The following CNNM2 variants were observed in gnomAD, a reference collection of about 807,000 sequenced individuals.
The protein encoded by CNNM2 is metal transporter CNNM2.
Under a neutral mutation model 66.9 loss-of-function variants are expected in CNNM2, and 12 were observed. That is an observed-to-expected ratio of 0.18 (90% confidence interval 0.11 to 0.29). The LOEUF (loss-of-function observed/expected upper bound fraction) is 0.29, where lower values mean the gene tolerates loss of function less well. Among genes scored for constraint, CNNM2 ranks in the 10% least tolerant of loss-of-function variants. CNNM2 has a pLI of 1.00. For missense variants in CNNM2, 705 were observed against 1,167.7 expected, an observed-to-expected ratio of 0.60 and a Z score of 5.77; for synonymous variants, 557 against 501.8, an observed-to-expected ratio of 1.11 and a Z score of -1.47.
intron 5 of CNNM2, among the ~76,000 whole-genome samples, chr10:103,069,940 C>G (rs899518804): frequency 1.3e-5 from 2 of 152,248 alleles, no homozygotes; most frequent in African/African-American, 4.8e-5. Context: ...AAGACTGTTT[C>G]TGTGACATTG....
chr10:102,956,538 C>G (rs1957896686), intron 1 of CNNM2, among the ~76,000 whole-genome samples: 1 of 152,114 alleles, frequency 6.6e-6, no homozygotes, highest in Non-Finnish European at 1.5e-5. Flanking sequence ...TATTGTGGCA[C>G]TATTCACAAT....
chr10:102,918,373 T>G lies in CNNM2; in HGVS notation c.-108T>G. On this transcript the variant is annotated 5_prime_UTR_variant, in exon 1 of 8. Coordinates refer to ENST00000369878, the MANE Select transcript of CNNM2 (RefSeq NM_017649.5). This position sits in a 1 kb window ranked among gnomAD's most constrained non-coding sequence, Gnocchi z 4.1. ...GTCAGTGTCAGTCAGGGAGGCGAAC[T>G]GCTGAGCACTGGCCGCGGACGCTCC... 1.3e-6 allele frequency: 2 copies of G among 1,501,956 alleles called. No homozygotes were observed. Among genetic ancestry groups the G allele is most frequent in the Non-Finnish European group, 1.8e-6 (2 of 1,131,302 alleles). 93.0% of individuals were successfully genotyped at this position (1,501,956 alleles called of 1,614,324 possible). A position where few individuals can be genotyped will look rare whatever the true frequency, so the allele number is the denominator to read the frequency against.
At chr10:102,970,923 G>C (rs1043291893) in intron 1 of CNNM2, among the ~76,000 whole-genome samples, 1 of 151,896 alleles carries the variant, frequency 6.6e-6, no homozygotes, top group Non-Finnish European at 1.5e-5. Context: ...TGGTGTGGTG[G>C]CTCATGCCTA....
At position 103,069,245 on chromosome 10, in the gene CNNM2, C is replaced by T. The variant is rs545264433; in HGVS notation, c.2167+523C>T. On this transcript the variant is annotated intron_variant, in intron 5 of 7. Coordinates refer to ENST00000369878, the MANE Select transcript of CNNM2 (RefSeq NM_017649.5). Reference sequence around the variant, plus strand: ...TTGCTGATAGACATTGGGGTAGTCCCGTCTGGGGCTACTGTCAATATGTGG... The same window carrying T: ...TTGCTGATAGACATTGGGGTAGTCCTGTCTGGGGCTACTGTCAATATGTGG... 1.9e-4 allele frequency among the ~76,000 whole-genome samples: 29 copies of T among 152,090 alleles called. 1 individual carries two copies. The South Asian group carries it at 2.3e-3, about 12-fold the overall frequency.
At chr10:103,041,687 G>A (rs984362332) in intron 1 of CNNM2, among the ~76,000 whole-genome samples, 55 of 152,150 alleles carry the variant, frequency 3.6e-4, no homozygotes, top group African/African-American at 1.1e-3. Context: ...ATCACCTTTC[G>A]TGACCTTTCG....
At chr10:103,033,175 T>A (rs776133755) in intron 1 of CNNM2, among the ~76,000 whole-genome samples, 44 of 151,956 alleles carry the variant, frequency 2.9e-4, no homozygotes, top group Admixed American at 8.5e-4. Flanking sequence ...ATACATTTTT[T>A]AAATTTATTT....
At chr10:103,045,234 A>G (rs1242669703) in intron 1 of CNNM2, among the ~76,000 whole-genome samples, 2 of 152,336 alleles carry the variant, frequency 1.3e-5, no homozygotes, top group South Asian at 2.1e-4. Flanking sequence ...CAGTGTTTAT[A>G]TCCATTGCTG....
chr10:103,010,860 C>G lies in CNNM2; in HGVS notation c.1622-38847C>G, dbSNP rs573741355. Among the ~76,000 whole-genome samples the G allele has an allele frequency of 4.9e-4, 74 of 152,142 alleles. No individual in the cohort carries two copies. In the South Asian group the frequency reaches 0.014, roughly 29 times the overall value. On this transcript the variant is annotated intron_variant, in intron 1 of 7. Coordinates refer to ENST00000369878, the MANE Select transcript of CNNM2 (RefSeq NM_017649.5). ...AATCCTGACCACAGGTGATCCACTC[C>G]CCCCAGCCTCCCAGGGTGCTGGGAT...
At chr10:102,966,770 C>T (rs998117223) in intron 1 of CNNM2, among the ~76,000 whole-genome samples, 1 of 152,052 alleles carries the variant, frequency 6.6e-6, no homozygotes, top group Non-Finnish European at 1.5e-5. Flanking sequence ...AAGGAATTGT[C>T]ATGGAATTAG....
intron 1 of CNNM2, among the ~76,000 whole-genome samples, chr10:103,029,332 G>A (rs1260111238): frequency 6.6e-6 from 1 of 151,348 alleles, no homozygotes; most frequent in African/African-American, 2.4e-5. Flanking sequence ...GGCGGGCGTG[G>A]TGGCCAGCAC....
chr10:102,967,534 T>C (rs2063483142), intron 1 of CNNM2, among the ~76,000 whole-genome samples: 3 of 152,244 alleles, frequency 2.0e-5, no homozygotes, highest in South Asian at 4.1e-4. Flanking sequence ...AGGTAGTCTT[T>C]TTTGTTTGGC....
intron 1 of CNNM2, among the ~76,000 whole-genome samples, chr10:102,937,523 T>C (rs987455277): frequency 1.4e-4 from 21 of 152,184 alleles, no homozygotes; most frequent in Admixed American, 1.4e-3. Flanking sequence ...TCACTGTAAA[T>C]CTAGTCTTGA....
chr10:102,921,597 C>T (rs991992654), intron 1 of CNNM2, among the ~76,000 whole-genome samples: 3 of 152,160 alleles, frequency 2.0e-5, no homozygotes, highest in African/African-American at 7.2e-5. Context: ...GGTGACATAG[C>T]TTCTTTTGGG....
At chr10:102,928,101 GA>G (rs1226813406) in intron 1 of CNNM2, among the ~76,000 whole-genome samples, 1 of 152,058 alleles carries the variant, frequency 6.6e-6, no homozygotes, top group Non-Finnish European at 1.5e-5. Context: ...GTAAAATGGG[GA>G]TATTTTCTAA....
chr10:103,007,231 A>G (rs762759960), intron 1 of CNNM2, among the ~76,000 whole-genome samples: 15 of 152,182 alleles, frequency 9.9e-5, no homozygotes, highest in Non-Finnish European at 1.9e-4. Context: ...ACATGCTTCA[A>G]AGGGCAAACA....
chr10:102,996,453 C>G (rs568749622), intron 1 of CNNM2, among the ~76,000 whole-genome samples: 30 of 152,310 alleles, frequency 2.0e-4, no homozygotes, highest in South Asian at 2.1e-4. Context: ...GCCTGTAATC[C>G]CAGCACCTTG....
intron 1 of CNNM2, among the ~76,000 whole-genome samples, chr10:102,945,521 T>A (rs1180863663): frequency 6.6e-6 from 1 of 152,156 alleles, no homozygotes; most frequent in Non-Finnish European, 1.5e-5. Context: ...AAGAGGCAGA[T>A]CAGCCTCCTC....
intron 1 of CNNM2, among the ~76,000 whole-genome samples, chr10:102,988,422 A>G (rs2063836991): frequency 6.6e-6 from 1 of 152,158 alleles, no homozygotes; most frequent in Non-Finnish European, 1.5e-5. Flanking sequence ...ACAGGTGCAA[A>G]TGAAAGTGAC....
At chr10:103,046,502 TA>T (rs1310566606) in intron 1 of CNNM2, among the ~76,000 whole-genome samples, 2 of 152,242 alleles carry the variant, frequency 1.3e-5, no homozygotes, top group Non-Finnish European at 2.9e-5. Context: ...TTGAAACTCT[TA>T]AAAATGATTG....
Sources: gnomAD v4.1 joint callset for allele counts (sites outside exome capture counted in the v4.1 genomes callset) on GRCh38, gnomAD v4.1.1 for gene constraint, Gnocchi (gnomAD v3.1) non-coding constraint, MANE v1.5 for transcripts, NCBI Gene and HGNC (gene_info 2026-07-23, HGNC 2026-07-21) for gene names.